The following G6PC2 variants were observed in gnomAD, a reference collection of about 807,000 sequenced individuals.
The protein encoded by G6PC2 is glucose-6-phosphatase 2.
A neutral mutation model predicts 35.4 loss-of-function variants in G6PC2; 41 were observed. The observed-to-expected ratio is 1.16, with a 90% confidence interval of 0.90 to 1.50. The LOEUF is 1.50. Ranked by LOEUF, G6PC2 falls within the 40% of genes most tolerant of loss-of-function variation. The pLI is 0.00. For missense variants in G6PC2, 441 were observed against 426.5 expected (o/e 1.03, Z -0.30); for synonymous variants, 165 against 153.2 (o/e 1.08, Z -0.57).
chr2:168,907,633 C>G lies in G6PC2; in HGVS notation c.622C>G (p.Leu208Val), dbSNP rs112063031. ...CCAAACGGCCAGTCTGGGCACATAC[C>G]TGAAGACCAACCTCTTTCTCTTCCT... ...GIQTASLGTY[L>V]KTNLFLFLFA... Residue 208 changes from leucine to valine, a missense_variant, in exon 5 of 5, where the codon CTG (leucine) becomes GTG (valine). Leu to Val is a conservative substitution (Grantham distance 32). Coordinates refer to ENST00000375363, the MANE Select transcript of G6PC2 (RefSeq NM_021176.3). 2.2e-5 allele frequency: 35 copies of G among 1,613,816 alleles called. No homozygotes were observed. The highest frequency in any genetic ancestry group is 1.7e-4 in the African/African-American group (13 of 75,036).
Position 168,902,548 on chromosome 2 carries a change from G to C in G6PC2, c.322G>C (p.Gly108Arg), listed in dbSNP as rs1690622724. Residue 108 changes from glycine to arginine, a missense_variant, in exon 2 of 5, where the codon GGT becomes CGT. By Grantham distance (125) the Gly-to-Arg change is moderately radical (BLOSUM62 -2). Coordinates refer to ENST00000375363, the MANE Select transcript of G6PC2 (RefSeq NM_021176.3). ...ACAGTTCCCTACTACATGTGAAACAGGTCCAGGTAAGCTATTACAGCAGGC... is the reference window on the plus strand; with the variant it reads ...ACAGTTCCCTACTACATGTGAAACACGTCCAGGTAAGCTATTACAGCAGGC... The part of the protein sequence containing the change: ...LEQFPTTCET[G>R]PGSPSGHAMG... 2 of 1,369,818 alleles carry C rather than the reference G, an allele frequency of 1.5e-6. No individual in the cohort carries two copies. The highest frequency in any genetic ancestry group is 1.0e-6 in the Non-Finnish European group (1 of 957,002). 84.9% of individuals were successfully genotyped at this position (1,369,818 alleles called of 1,614,324 possible). A position where few individuals can be genotyped will look rare whatever the true frequency, so the allele number is the denominator to read the frequency against.
At position 168,901,560 on chromosome 2, in the gene G6PC2, T is replaced by C; in HGVS notation, c.218+11T>C. 1 of 1,309,864 alleles carries C rather than the reference T, an allele frequency of 7.6e-7. No homozygotes were observed. Among genetic ancestry groups the C allele is most frequent in the Non-Finnish European group, 1.1e-6 (1 of 905,412 alleles). 81.1% of individuals were successfully genotyped at this position (1,309,864 alleles called of 1,614,324 possible). On this transcript the variant is annotated intron_variant, in intron 1 of 4. Coordinates refer to ENST00000375363, the MANE Select transcript of G6PC2 (RefSeq NM_021176.3). ...TCTTATATTTAAATGGTAAGATTTC[T>C]GTTTTATTTCATTTTTTCCTAAGAT... is the stretch of plus-strand genomic sequence containing the variant.
rs762713476 is a variant in G6PC2, at chr2:168,904,528, G to C, written c.352G>C (p.Gly118Arg). 1.2e-6 allele frequency: 2 copies of C among 1,609,278 alleles called. No individual in the cohort carries two copies. Among genetic ancestry groups the C allele is most frequent in the South Asian group, 2.2e-5 (2 of 90,982 alleles). The change falls in exon 3 of 5, where the codon GGC becomes CGC. Residue 118 changes from glycine to arginine, a missense_variant. Coordinates refer to ENST00000375363, the MANE Select transcript of G6PC2 (RefSeq NM_021176.3). ...GPGSPSGHAMGASCVWYVMVT... is the reference protein window; with the variant it reads ...GPGSPSGHAMRASCVWYVMVT... ...AGGAAGTCCATCTGGCCATGCAATG[G>C]GCGCATCCTGTGTCTGGTATGTCAT...
chr2:168,903,810 T>C (rs1690652463), intron 2 of G6PC2, among the ~76,000 whole-genome samples: 1 of 152,128 alleles, frequency 6.6e-6, no homozygotes, highest in South Asian at 2.1e-4. Context: ...AGGAAACTAA[T>C]AAAAAATTCA....
rs780190171 is a variant in G6PC2, at chr2:168,901,505, A to G, written c.174A>G (p.Ile58Met). The G allele has an allele frequency of 1.9e-6, 3 of 1,591,856 alleles. No individual in the cohort carries two copies. Among genetic ancestry groups the G allele is most frequent in the South Asian group, 1.1e-5 (1 of 90,604 alleles). ...QFNQTVGTKMIWVAVIGDWLN... is the reference protein window; with the variant it reads ...QFNQTVGTKMMWVAVIGDWLN... ...ATCAGACAGTTGGAACCAAGATGAT[A>G]TGGGTAGCAGTCATTGGGGATTGGT... Residue 58 changes from isoleucine (I) to methionine (M), a missense_variant, in exon 1 of 5, where the codon ATA (isoleucine) becomes ATG (methionine). Physicochemically the swap from Ile to Met is conservative, Grantham distance 10. Coordinates refer to ENST00000375363, the MANE Select transcript of G6PC2 (RefSeq NM_021176.3).
At chr2:168,905,604 C>T (rs549456726) in intron 3 of G6PC2, among the ~76,000 whole-genome samples, 25 of 152,226 alleles carry the variant, frequency 1.6e-4, no homozygotes, top group African/African-American at 6.0e-4. Flanking sequence ...AGACAATTTT[C>T]AAAGTAGGAA....
chr2:168,908,237 C>G lies in G6PC2; in HGVS notation c.*158C>G. 1 of 650,350 alleles carries G rather than the reference C, an allele frequency of 1.5e-6. No homozygotes were observed. The highest frequency in any genetic ancestry group is 1.8e-5 in the South Asian group (1 of 56,186). 40.3% of individuals were successfully genotyped at this position (650,350 alleles called of 1,614,324 possible). A position where few individuals can be genotyped will look rare whatever the true frequency, so the allele number is the denominator to read the frequency against. On this transcript the variant is annotated 3_prime_UTR_variant, in exon 5 of 5. Coordinates refer to ENST00000375363, the MANE Select transcript of G6PC2 (RefSeq NM_021176.3). ...AGAGATGTTTAGTTTGGCCTTCGCA[C>G]TGGTCTTTTTTTTTAATCCTTCAGT...
At chr2:168,906,087 AAC>A (rs1491039425) in intron 3 of G6PC2, among the ~76,000 whole-genome samples, 4 of 146,790 alleles carry the variant, frequency 2.7e-5, no homozygotes, top group Admixed American at 7.0e-5. Flanking sequence ...AAAAAAAAAA[AAC>A]AAACAAAACA....
intron 2 of G6PC2, among the ~76,000 whole-genome samples, 163 bp downstream of exon 2, chr2:168,902,717 A>G (rs1690627003): frequency 6.6e-6 from 1 of 152,234 alleles, no homozygotes; most frequent in African/African-American, 2.4e-5. Context: ...GAGGAAGCAA[A>G]GCAAAAAAAA....
intron 3 of G6PC2, among the ~76,000 whole-genome samples, chr2:168,906,371 A>G (rs914969356): frequency 2.0e-5 from 3 of 152,216 alleles, no homozygotes; most frequent in Non-Finnish European, 4.4e-5. Context: ...CCATTAAAAC[A>G]GTTATTCTTA....
intron 4 of G6PC2, 111 bp from the exon 5 acceptor site, chr2:168,907,457 C>T: frequency 9.3e-7 from 1 of 1,077,878 alleles, no homozygotes; most frequent in East Asian, 2.4e-5. Context: ...ACCTCTGTGT[C>T]TAATGCCCTT....
At chr2:168,906,858 C>A in intron 4 of G6PC2, 79 bp downstream of exon 4, 1 of 817,990 alleles carries the variant, frequency 1.2e-6, no homozygotes, top group Admixed American at 1.7e-5. Flanking sequence ...AGATTGTCCC[C>A]GGTAATCAAC....
In G6PC2 at chr2:168,906,772, A is replaced by G; in HGVS notation, c.549A>G (p.Val183=). The change falls in exon 4 of 5, where the codon GTA becomes GTG. Residue 183 remains valine, a synonymous_variant. Coordinates refer to ENST00000375363, the MANE Select transcript of G6PC2 (RefSeq NM_021176.3). ...THFPHQVILG[V]IGGMLVAEAF... ...TTCCTCATCAAGTTATTCTTGGAGT[A>G]ATTGGTGGTAAATATGATCACTTAC... 1 of 1,436,466 alleles carries G rather than the reference A, an allele frequency of 7.0e-7. No individual in the cohort carries two copies. The highest frequency in any genetic ancestry group is 9.8e-7 in the Non-Finnish European group (1 of 1,017,582). 89.0% of individuals were successfully genotyped at this position (1,436,466 alleles called of 1,614,324 possible). A position where few individuals can be genotyped will look rare whatever the true frequency, so the allele number is the denominator to read the frequency against.
At chr2:168,902,405 A>G in intron 1 of G6PC2, 40 bp from the exon 2 acceptor site, 2 of 821,374 alleles carry the variant, frequency 2.4e-6, no homozygotes, top group Non-Finnish European at 4.3e-6. Flanking sequence ...ATAGCTGTGT[A>G]TTTAAATATA....
intron 2 of G6PC2, among the ~76,000 whole-genome samples, chr2:168,903,772 C>G (rs796731729): frequency 2.6e-5 from 4 of 151,970 alleles, no homozygotes; most frequent in African/African-American, 9.7e-5. Flanking sequence ...GAATGAACTA[C>G]CAGGTGAAAA....
At chr2:168,902,167 T>A (rs1690611843) in intron 1 of G6PC2, among the ~76,000 whole-genome samples, 1 of 152,148 alleles carries the variant, frequency 6.6e-6, no homozygotes, top group Admixed American at 6.6e-5. Flanking sequence ...TTTTGATATT[T>A]CCAGTCTAAG....
rs1690757398 is a variant in G6PC2, at chr2:168,908,026, A to G, written c.1015A>G (p.Ile339Val). The G allele has an allele frequency of 6.2e-7, 1 of 1,613,236 alleles. No individual in the cohort carries two copies. Among genetic ancestry groups the G allele is most frequent in the Non-Finnish European group, 8.5e-7 (1 of 1,179,338 alleles). Reference protein sequence around the residue: ...ASIPLTVVAFIPYSVHMLMKQ... With the variant: ...ASIPLTVVAFVPYSVHMLMKQ... The stretch of plus-strand genomic sequence containing the variant: ...CATTCCCCTAACTGTGGTTGCTTTC[A>G]TTCCCTACTCTGTTCATATGTTAAT... The change falls in exon 5 of 5, where the codon ATT becomes GTT. Residue 339 changes from isoleucine (I) to valine (V), a missense_variant. Transcript: ENST00000375363.
Position 168,908,399 on chromosome 2 carries a change from C to G in G6PC2, c.*320C>G, listed in dbSNP as rs1690776535. On this transcript the variant is annotated 3_prime_UTR_variant, in exon 5 of 5. Transcript: ENST00000375363. ...GACCAGAGCTGCATACTAACAGTCC[C>G]CAGTAGGAGGCAAGGACTCCATTTT... The G allele has an allele frequency of 2.2e-5, 9 of 410,328 alleles. No homozygotes were observed. The South Asian group carries it at 2.3e-4, about 11-fold the overall frequency. 25.4% of individuals were successfully genotyped at this position (410,328 alleles called of 1,614,324 possible). A position where few individuals can be genotyped will look rare whatever the true frequency, so the allele number is the denominator to read the frequency against.
chr2:168,908,133 A>G lies in G6PC2; in HGVS notation c.*54A>G. The G allele has an allele frequency of 1.4e-6, 2 of 1,450,732 alleles. No individual in the cohort carries two copies. The highest frequency in any genetic ancestry group is 3.3e-5 in the Admixed American group (2 of 59,862). 89.9% of individuals were successfully genotyped at this position (1,450,732 alleles called of 1,614,324 possible). A position where few individuals can be genotyped will look rare whatever the true frequency, so the allele number is the denominator to read the frequency against. On this transcript the variant is annotated 3_prime_UTR_variant, in exon 5 of 5. Coordinates refer to ENST00000375363, the MANE Select transcript of G6PC2 (RefSeq NM_021176.3). ...CACAGATCACCCTTCTCCATCCACCAGTAGAGCCACAGAGTAGGCACAGAC... is the reference window on the plus strand; with the variant it reads ...CACAGATCACCCTTCTCCATCCACCGGTAGAGCCACAGAGTAGGCACAGAC...
Sources: gnomAD v4.1 joint callset for allele counts (sites outside exome capture counted in the v4.1 genomes callset) on GRCh38, gnomAD v4.1.1 for gene constraint, MANE v1.5 for transcripts, NCBI Gene and HGNC (gene_info 2026-07-23, HGNC 2026-07-21) for gene names.